PGK1: variants seen among roughly 807,000 people sequenced by gnomAD.
PGK1 encodes PRP 2.
In PGK1, 3 loss-of-function variants were observed where a neutral mutation model predicts 26.9. The ratio of observed to expected loss-of-function variants is 0.11; its 90% CI spans 0.05 to 0.29. PGK1 has a LOEUF of 0.29. Among genes scored for constraint, PGK1 ranks in the 10% least tolerant of loss-of-function variants. The probability of loss-of-function intolerance (pLI) is 1.00; values close to 1 mark genes in which losing one functional copy is unlikely to be tolerated. For synonymous variants in PGK1, 125 were observed against 115.3 expected (o/e 1.08, Z -0.54); for missense variants, 270 against 314.7 (o/e 0.86, Z 1.07).
At chrX:78,114,517 C>CT (rs2078317162) in intron 4 of PGK1, among the ~76,000 whole-genome samples, 1 of 110,944 alleles carries the variant, frequency 9.0e-6, no homozygotes, top group African/African-American at 3.3e-5. Flanking sequence ...AAAGTATGTT[C>CT]CTTTAAATCT....
chrX:78,121,784 A>G (rs2078356475), intron 6 of PGK1, among the ~76,000 whole-genome samples: 1 of 112,498 alleles, frequency 8.9e-6, no homozygotes, highest in Non-Finnish European at 1.9e-5. Context: ...CCCAAAGGGT[A>G]GGGATCTTTC....
At chrX:78,125,515 T>G (rs1557248583) in intron 10 of PGK1, 90 bp downstream of exon 10, 2 of 631,619 alleles carry the variant, frequency 3.2e-6, no homozygotes, top group East Asian at 3.2e-5. Context: ...AGTTAGAAGG[T>G]AGTGTTGTCA....
At chrX:78,121,149 TA>T (rs1402030448) in intron 6 of PGK1, among the ~76,000 whole-genome samples, 1 of 112,464 alleles carries the variant, frequency 8.9e-6, no homozygotes, top group African/African-American at 3.2e-5. Context: ...GTTTTGTTAC[TA>T]TCATCCAATA....
At chrX:78,105,772 A>G (rs909241868) in intron 1 of PGK1, among the ~76,000 whole-genome samples, 1 of 111,697 alleles carries the variant, frequency 9.0e-6, no homozygotes, top group Admixed American at 9.5e-5. Context: ...TGGTTTCCAC[A>G]TTTCCCCAAA....
At chrX:78,120,067 A>C (rs1557247848) in intron 6 of PGK1, among the ~76,000 whole-genome samples, 1 of 98,670 alleles carries the variant, frequency 1.0e-5, no homozygotes, top group African/African-American at 3.9e-5. Flanking sequence ...TTAGGTTCAG[A>C]CTGAAATAGC....
chrX:78,116,371 G>C (rs1331068612), intron 4 of PGK1, among the ~76,000 whole-genome samples: 6 of 112,099 alleles, frequency 5.4e-5, no homozygotes, highest in Non-Finnish European at 9.4e-5. Context: ...GAGCTTATGG[G>C]AGTGCCACAA....
At chrX:78,106,871 T>A (rs1229855071) in intron 1 of PGK1, among the ~76,000 whole-genome samples, 1 of 110,565 alleles carries the variant, frequency 9.0e-6, no homozygotes, top group Admixed American at 9.7e-5. Flanking sequence ...GCTCCTGCCT[T>A]TTTTTTTAAA....
At chrX:78,106,747 G>A (rs1450187658) in intron 1 of PGK1, 2 of 315,187 alleles carry the variant, frequency 6.3e-6, no homozygotes, top group Non-Finnish European at 4.2e-6. Context: ...CTCCGCAGTT[G>A]ACTTTACAGC....
chrX:78,106,148 C>T (rs991562812), intron 1 of PGK1, among the ~76,000 whole-genome samples: 10 of 111,576 alleles, frequency 9.0e-5, no homozygotes, highest in Non-Finnish European at 1.5e-4. Context: ...CCCTCTGGAC[C>T]TAATAAAGTT....
At chrX:78,104,574 C>T (rs782778559) in intron 1 of PGK1, among the ~76,000 whole-genome samples, 169 bp downstream of exon 1, 1 of 111,326 alleles carries the variant, frequency 9.0e-6, no homozygotes, top group South Asian at 3.8e-4. Context: ...TTTCTAGCCG[C>T]ATTTTCCCCA....
chrX:78,114,306 C>T, intron 4 of PGK1, 146 bp downstream of exon 4: 1 of 597,039 alleles, frequency 1.7e-6, no homozygotes. Flanking sequence ...TGGGTTATCT[C>T]AAAGTAAACA....
rs2078256280 is a variant in PGK1, at chrX:78,104,270, G to C, written c.-71G>C. The C allele has an allele frequency of 2.5e-6, 2 of 805,363 alleles. No homozygotes were observed. The highest frequency in any genetic ancestry group is 3.8e-6 in the Non-Finnish European group (2 of 529,650). The allele number at this position is 805,363 out of a possible 1,213,427, so 66.4% of individuals were successfully genotyped here. A position where few individuals can be genotyped will look rare whatever the true frequency, so the allele number is the denominator to read the frequency against. ...GGTGTTCCGCATTCTGCAAGCCTCCGGAGCGCACGTCGGCAGTCGGCTCCC... is the reference window on the plus strand; with the variant it reads ...GGTGTTCCGCATTCTGCAAGCCTCCCGAGCGCACGTCGGCAGTCGGCTCCC... On this transcript the variant is annotated 5_prime_UTR_variant, in exon 1 of 11. Coordinates refer to ENST00000373316, the MANE Select transcript of PGK1 (RefSeq NM_000291.4).
chrX:78,120,472 T>C (rs1311458456), intron 6 of PGK1, among the ~76,000 whole-genome samples: 1 of 110,540 alleles, frequency 9.0e-6, no homozygotes, highest in Non-Finnish European at 1.9e-5. Flanking sequence ...GACATATCTA[T>C]ATATCTAGAT....
intron 1 of PGK1, among the ~76,000 whole-genome samples, chrX:78,105,379 C>G (rs1449856993): frequency 8.9e-6 from 1 of 111,956 alleles, no homozygotes; most frequent in Non-Finnish European, 1.9e-5. Context: ...TATACCTTAA[C>G]AGGATCCAAG....
chrX:78,105,308 C>G (rs928722258), intron 1 of PGK1, among the ~76,000 whole-genome samples: 2 of 111,722 alleles, frequency 1.8e-5, no homozygotes, highest in Admixed American at 1.9e-4. Flanking sequence ...TATATTTGTG[C>G]ATACCAGGAG....
Position 78,109,859 on chromosome X carries a change from T to C in PGK1, c.66-8T>C. The stretch of plus-strand genomic sequence containing the variant: ...AGTTGATCATGGTCTTGCATCTTTC[T>C]TTTTTAGAGTCGACTTCAATGTTCC... On this transcript the variant is annotated splice_region_variant and splice_polypyrimidine_tract_variant and intron_variant, in intron 1 of 10. Coordinates refer to ENST00000373316, the MANE Select transcript of PGK1 (RefSeq NM_000291.4). 8.5e-7 allele frequency: 1 copy of C among 1,180,360 alleles called. No homozygotes were observed. The highest frequency in any genetic ancestry group is 1.2e-6 in the Non-Finnish European group (1 of 866,694).
At chrX:78,109,187 C>T (rs2078287499) in intron 1 of PGK1, among the ~76,000 whole-genome samples, 1 of 111,689 alleles carries the variant, frequency 9.0e-6, no homozygotes, top group Admixed American at 9.5e-5. Flanking sequence ...GGCTGGGGCA[C>T]ATGTCCCACC....
intron 2 of PGK1, among the ~76,000 whole-genome samples, chrX:78,112,391 A>G (rs1947594901): frequency 8.9e-6 from 1 of 112,620 alleles, no homozygotes; most frequent in Non-Finnish European, 1.9e-5. Flanking sequence ...TTCTTGATCA[A>G]TTTTAATTTC....
chrX:78,116,959 T>G (rs2078329449), intron 4 of PGK1, among the ~76,000 whole-genome samples: 1 of 111,357 alleles, frequency 9.0e-6, no homozygotes, highest in African/African-American at 3.3e-5. Context: ...AAGGAGAATG[T>G]TTAAAATGAG....
Sources: gnomAD v4.1 joint callset for allele counts (sites outside exome capture counted in the v4.1 genomes callset) on GRCh38, gnomAD v4.1.1 for gene constraint, MANE v1.5 for transcripts, NCBI Gene and HGNC (gene_info 2026-07-23, HGNC 2026-07-21) for gene names.